Variants in TRIM3 observed in about 807,000 individuals in gnomAD.
The protein encoded by TRIM3 is tripartite motif-containing protein 3.
TRIM3 carries 13 observed loss-of-function variants against 66.6 expected under a neutral mutation model. The observed-to-expected ratio is 0.20, with a 90% CI of 0.13 to 0.31. TRIM3 has a LOEUF of 0.31. TRIM3 is among the 10% of genes least tolerant of loss of function. TRIM3 has a pLI of 1.00. For synonymous variants in TRIM3, 406 were observed against 411.7 expected (o/e 0.99, Z 0.17); for missense variants, 711 against 1,020.4 (o/e 0.70, Z 4.13).
In TRIM3 at chr11:6,450,838, G is replaced by A; in HGVS notation, c.1870+54C>T. The A allele has an allele frequency of 6.2e-7, 1 of 1,603,940 alleles. No individual in the cohort carries two copies. The highest frequency in any genetic ancestry group is 8.5e-7 in the Non-Finnish European group (1 of 1,173,056). ...GGCCTTTACAGCTGGGGTATCTAGG[G>A]GAGTTCTCTGGAACAGGGGTATCAG... On this transcript the variant is annotated intron_variant, in intron 9 of 11. Coordinates refer to ENST00000345851, the MANE Select transcript of TRIM3 (RefSeq NM_033278.4). This position sits in a 1 kb window ranked among gnomAD's most constrained non-coding sequence, Gnocchi z 4.8.
Position 6,450,882 on chromosome 11 carries a change from C to A in TRIM3, c.1870+10G>T, listed in dbSNP as rs772654554. ...GTATCAGCATAGATCTTGGAGCTGT[C>A]CCCCTATACCTGCAAAGTGGCGGTC... On this transcript the variant is annotated intron_variant, in intron 9 of 11. Transcript: ENST00000345851. The surrounding 1 kb of genome is among the most constrained non-coding windows in gnomAD (Gnocchi z 4.8). 27 of 1,613,852 alleles carry A rather than the reference C, an allele frequency of 1.7e-5. No individual in the cohort carries two copies. Among genetic ancestry groups the A allele is most frequent in the Non-Finnish European group, 2.2e-5 (26 of 1,179,942 alleles).
At chr11:6,464,158 G>C (rs1850351171) in intron 2 of TRIM3, among the ~76,000 whole-genome samples, 1 of 152,160 alleles carries the variant, frequency 6.6e-6, no homozygotes. Context: ...TGGCTCTCAG[G>C]GTAAAGGTGA....
chr11:6,450,869 A>G lies in TRIM3; in HGVS notation c.1870+23T>C. On this transcript the variant is annotated intron_variant, in intron 9 of 11. Transcript: ENST00000345851. The surrounding 1 kb of genome is among the most constrained non-coding windows in gnomAD (Gnocchi z 4.8). ...CTCTGGAACAGGGGTATCAGCATAG[A>G]TCTTGGAGCTGTCCCCCTATACCTG... is the stretch of plus-strand genomic sequence containing the variant. The G allele has an allele frequency of 6.2e-7, 1 of 1,613,668 alleles. No homozygotes were observed.
In TRIM3 at chr11:6,457,930, C is replaced by A; in HGVS notation, c.364-83G>T. 1 of 1,578,406 alleles carries A rather than the reference C, an allele frequency of 6.3e-7. No individual in the cohort carries two copies. Among genetic ancestry groups the A allele is most frequent in the Non-Finnish European group, 8.6e-7 (1 of 1,158,616 alleles). On this transcript the variant is annotated intron_variant, in intron 3 of 11. Coordinates refer to ENST00000345851, the MANE Select transcript of TRIM3 (RefSeq NM_033278.4). The surrounding 1 kb of genome is among the most constrained non-coding windows in gnomAD (Gnocchi z 4.5). ...CCCCACCTGCCCTCCCTGCCCCTCA[C>A]CTTCTAAGTGCACCCCCTACCTGGA...
chr11:6,461,549 G>A (rs1237260516), intron 2 of TRIM3, among the ~76,000 whole-genome samples: 1 of 132,912 alleles, frequency 7.5e-6, no homozygotes, highest in Non-Finnish European at 1.5e-5. Flanking sequence ...TTAATTCCTT[G>A]ACCTTCTCAC....
intron 2 of TRIM3, among the ~76,000 whole-genome samples, chr11:6,461,375 T>G (rs1850230506): frequency 6.6e-6 from 1 of 152,162 alleles, no homozygotes; most frequent in African/African-American, 2.4e-5. Flanking sequence ...TCATGCCTTC[T>G]ATCTCTATCA....
chr11:6,466,577 C>A (rs1850479239), intron 1 of TRIM3, among the ~76,000 whole-genome samples: 1 of 149,196 alleles, frequency 6.7e-6, no homozygotes, highest in Non-Finnish European at 1.5e-5. Flanking sequence ...AGTCTATGAT[C>A]AATCATTCCT....
chr11:6,463,236 CA>C lies in TRIM3; in HGVS notation c.131+2328del, dbSNP rs1054370819. Among the ~76,000 whole-genome samples, 3 of 150,584 alleles carry C rather than the reference CA, an allele frequency of 2.0e-5. No homozygotes were observed. In the South Asian group the frequency reaches 6.3e-4, roughly 32 times the overall value. ...ACAAAAACAAAAACAAAAAACAAAC[CA>C]AAAAAAATTAAAATGAAAAGTTACA... is the stretch of plus-strand genomic sequence containing the variant. On this transcript the variant is annotated intron_variant, in intron 2 of 11. Coordinates refer to ENST00000345851, the MANE Select transcript of TRIM3 (RefSeq NM_033278.4).
intron 7 of TRIM3, among the ~76,000 whole-genome samples, chr11:6,454,543 C>T (rs1849885708): frequency 6.6e-6 from 1 of 152,078 alleles, no homozygotes; most frequent in African/African-American, 2.4e-5. Context: ...GGAAGCATTC[C>T]CAGCCTAGGG....
chr11:6,453,422 ATC>A (rs1415479439), intron 7 of TRIM3, among the ~76,000 whole-genome samples: 3 of 152,180 alleles, frequency 2.0e-5, no homozygotes, highest in Non-Finnish European at 4.4e-5. Flanking sequence ...GGTCCTTAAC[ATC>A]TCTCTCCTAT....
intron 2 of TRIM3, among the ~76,000 whole-genome samples, chr11:6,463,490 C>A (rs923901796): frequency 2.0e-5 from 3 of 152,146 alleles, no homozygotes; most frequent in African/African-American, 7.2e-5. Flanking sequence ...TCTGATCCAA[C>A]ATTGAGCTTC....
In TRIM3 at chr11:6,451,376, C is replaced by T; in HGVS notation, c.1596G>A (p.Gln532=). 1 of 1,614,230 alleles carries T rather than the reference C, an allele frequency of 6.2e-7. No homozygotes were observed. The highest frequency in any genetic ancestry group is 8.5e-7 in the Non-Finnish European group (1 of 1,180,040). ...CTGCCACACCTGTGGGGCGCTGCAG[C>T]TGCCCAGGTGAGCGTCCTCGGACCC... ...RFGVRGRSPG[Q]LQRPTGVAVD... is the part of the protein sequence containing the mutation. The change falls in exon 8 of 12, where the codon CAG becomes CAA. Residue 532 remains glutamine, a synonymous_variant. Coordinates refer to ENST00000345851, the MANE Select transcript of TRIM3 (RefSeq NM_033278.4).
At position 6,457,523 on chromosome 11, in the gene TRIM3, C is replaced by T. The variant is rs375910885; in HGVS notation, c.516-47G>A. The T allele has an allele frequency of 4.9e-5, 78 of 1,595,194 alleles. No individual in the cohort carries two copies. The South Asian group carries it at 6.9e-4, about 14-fold the overall frequency. ...CCAGAGTTGCTGAGGGTGGCTTTGC[C>T]GAACTTTCCCTTCTCCCTGGGGAAC... On this transcript the variant is annotated intron_variant, in intron 4 of 11. Coordinates refer to ENST00000345851, the MANE Select transcript of TRIM3 (RefSeq NM_033278.4). The surrounding 1 kb of genome is among the most constrained non-coding windows in gnomAD (Gnocchi z 4.5).
In TRIM3 at chr11:6,465,698, C is replaced by A; in HGVS notation, c.-3G>T. 1 of 1,613,524 alleles carries A rather than the reference C, an allele frequency of 6.2e-7. No homozygotes were observed. Among genetic ancestry groups the A allele is most frequent in the Middle Eastern group, 1.7e-4 (1 of 6,054 alleles). On this transcript the variant is annotated 5_prime_UTR_variant, in exon 2 of 12. Coordinates refer to ENST00000345851, the MANE Select transcript of TRIM3 (RefSeq NM_033278.4). The stretch of plus-strand genomic sequence containing the variant: ...GGGCTGTCCTCCCTCTTTGCCATGG[C>A]GCCCACAGATGGCTCCCGCCACTCA...
At chr11:6,451,638 G>A (rs1222473065) in intron 7 of TRIM3, 200 bp from the exon 8 acceptor site, 6 of 587,464 alleles carry the variant, frequency 1.0e-5, no homozygotes, top group African/African-American at 1.9e-5. Context: ...GTGAGAACAT[G>A]AAGGGATGAA....
intron 2 of TRIM3, among the ~76,000 whole-genome samples, chr11:6,461,447 T>C (rs1168925086): frequency 6.6e-6 from 1 of 152,104 alleles, no homozygotes; most frequent in African/African-American, 2.4e-5. Context: ...TGTGGACATC[T>C]TTCTCTTGGC....
rs117733335 is a variant in TRIM3, at chr11:6,451,783, C to T, written c.1534-345G>A. 9.6e-3 allele frequency: 2,700 copies of T among 281,856 alleles called. 22 individuals carry two copies. Among genetic ancestry groups the T allele is most frequent in the Non-Finnish European group, 0.014 (2,048 of 146,714 alleles). The allele number at this position is 281,856 out of a possible 1,614,324, so 17.5% of individuals were successfully genotyped here. Reference sequence around the variant, plus strand: ...AGCAGAGTGAACAGATTGTAAAAGGCACAAAGTCCAGTATGGGCACCACTT... The same window carrying T: ...AGCAGAGTGAACAGATTGTAAAAGGTACAAAGTCCAGTATGGGCACCACTT... On this transcript the variant is annotated intron_variant, in intron 7 of 11. Transcript: ENST00000345851.
chr11:6,451,191 A>G, intron 8 of TRIM3, 80 bp downstream of exon 8: 2 of 1,594,094 alleles, frequency 1.3e-6, no homozygotes, highest in Non-Finnish European at 1.7e-6. Flanking sequence ...GGATCAGTCC[A>G]GACCCTGACC....
Position 6,457,889 on chromosome 11 carries a change from C to T in TRIM3, c.364-42G>A, listed in dbSNP as rs375381622. ...CCAGTCGGGTAATGGCTAGACATCA[C>T]ACTTCTTTGTCCCCTCCCCACCTGC... is the stretch of plus-strand genomic sequence containing the variant. On this transcript the variant is annotated intron_variant, in intron 3 of 11. Transcript: ENST00000345851. The surrounding 1 kb of genome is among the most constrained non-coding windows in gnomAD (Gnocchi z 4.5). The T allele has an allele frequency of 1.2e-5, 20 of 1,611,226 alleles. 1 individual carries two copies. In the African/African-American group the frequency reaches 2.3e-4, roughly 18 times the overall value.
Sources: gnomAD v4.1 joint callset for allele counts (sites outside exome capture counted in the v4.1 genomes callset) on GRCh38, gnomAD v4.1.1 for gene constraint, Gnocchi (gnomAD v3.1) non-coding constraint, MANE v1.5 for transcripts, NCBI Gene and HGNC (gene_info 2026-07-23, HGNC 2026-07-21) for gene names.